The following DLG2 variants were observed in gnomAD, a reference collection of about 807,000 sequenced individuals.
The protein encoded by DLG2 is discs large MAGUK scaffold protein 2.
DLG2 carries 45 observed loss-of-function variants against 132.5 expected under a neutral mutation model. The ratio of observed to expected loss-of-function variants is 0.34; its 90% CI spans 0.27 to 0.44. The LOEUF (loss-of-function observed/expected upper bound fraction) is 0.44, where lower values mean the gene tolerates loss of function less well. Among genes scored for constraint, DLG2 ranks in the 20% least tolerant of loss-of-function variants. The pLI is 1.00. For missense variants in DLG2, 1,045 were observed against 1,196.9 expected (o/e 0.87, Z 1.87); for synonymous variants, 424 against 419.6 (o/e 1.01, Z -0.13).
intron 17 of DLG2, among the ~76,000 whole-genome samples, chr11:83,827,210 T>G (rs2040311): frequency 0.72 from 110,193 of 151,996 alleles, 41,322 homozygotes; most frequent in African/African-American, 0.92. Flanking sequence ...AGTGGAGAGG[T>G]GGAAGCAACA....
At chr11:84,953,519 T>C (rs899107040) in intron 6 of DLG2, among the ~76,000 whole-genome samples, 2 of 152,190 alleles carry the variant, frequency 1.3e-5, no homozygotes, top group African/African-American at 4.8e-5. Context: ...ATTCAGCTCA[T>C]CCATTTTTTA....
intron 18 of DLG2, among the ~76,000 whole-genome samples, chr11:83,704,725 G>A (rs921056340): frequency 2.0e-5 from 3 of 152,006 alleles, no homozygotes; most frequent in African/African-American, 4.8e-5. Context: ...TACTTGGGAG[G>A]CTGAGGCAGG....
intron 7 of DLG2, among the ~76,000 whole-genome samples, chr11:84,367,639 A>G (rs2098689619): frequency 6.6e-6 from 1 of 152,002 alleles, no homozygotes; most frequent in African/African-American, 2.4e-5. Context: ...ATGGGAATGG[A>G]TTATTTATCA....
chr11:84,392,042 G>C (rs1427181813), intron 7 of DLG2, among the ~76,000 whole-genome samples: 1 of 152,118 alleles, frequency 6.6e-6, no homozygotes, highest in Non-Finnish European at 1.5e-5. Context: ...TCTACCTAAT[G>C]GAGTCTTTGT....
rs897745736 is a variant in DLG2, at chr11:85,114,832, TA to T, written c.283-3098del. On this transcript the variant is annotated intron_variant, in intron 5 of 27. Coordinates refer to ENST00000376104, the MANE Select transcript of DLG2 (RefSeq NM_001142699.3). ...CCCCATCCCTCCAAAAACATGGGAA[TA>T]TTTTTTTTTGTGTATCAGGGGCTTA... is the stretch of plus-strand genomic sequence containing the variant. Among the ~76,000 whole-genome samples the T allele has an allele frequency of 3.3e-5, 5 of 152,008 alleles. No homozygotes were observed. The South Asian group carries it at 8.3e-4, about 25-fold the overall frequency.
At chr11:84,188,539 C>G (rs1349661237) in intron 8 of DLG2, among the ~76,000 whole-genome samples, 1 of 152,136 alleles carries the variant, frequency 6.6e-6, no homozygotes, top group East Asian at 1.9e-4. Context: ...TGGTTCCAGA[C>G]TCTTTCAGAA....
intron 6 of DLG2, among the ~76,000 whole-genome samples, chr11:85,106,767 C>G (rs539794149): frequency 2.6e-5 from 4 of 152,140 alleles, no homozygotes; most frequent in African/African-American, 9.6e-5. Context: ...ATACTTTACT[C>G]TTTCCACTTA....
intron 14 of DLG2, among the ~76,000 whole-genome samples, chr11:83,940,293 T>C (rs2082351961): frequency 6.6e-6 from 1 of 152,224 alleles, no homozygotes; most frequent in Non-Finnish European, 1.5e-5. Flanking sequence ...TAGATTTTTC[T>C]CTCTTCTTAA....
chr11:83,466,740 G>C lies in DLG2; in HGVS notation c.2697C>G (p.Ile899Met). The stretch of plus-strand genomic sequence containing the variant: ...GTTCCAGAGACCTGGGTTTTATGAA[G>C]ATGGCAATGGGATAGAGCTGGGCAA... ...LQVAQLYPIA[I>M]FIKPRSLEPL... is the part of the protein sequence containing the mutation. Residue 899 changes from isoleucine (I) to methionine (M), a missense_variant, in exon 26 of 28, where the codon ATC (isoleucine) becomes ATG (methionine). Ile to Met is a conservative substitution (Grantham distance 10, BLOSUM62 1). Transcript: ENST00000376104. 1.2e-6 allele frequency: 2 copies of C among 1,613,552 alleles called. No individual in the cohort carries two copies. The highest frequency in any genetic ancestry group is 2.2e-5 in the South Asian group (2 of 91,076).
chr11:84,106,863 A>ATG (rs1566527127), intron 9 of DLG2, among the ~76,000 whole-genome samples: 2 of 56,442 alleles, frequency 3.5e-5, no homozygotes, highest in African/African-American at 1.2e-4. Flanking sequence ...GTGTGTGTGT[A>ATG]TGTGTGAGAG....
intron 6 of DLG2, chr11:85,020,827 T>C: frequency 2.7e-6 from 2 of 741,228 alleles, no homozygotes; most frequent in Non-Finnish European, 5.0e-6. Context: ...CTTGATCAGC[T>C]CCAGCTGGCC....
At chr11:83,592,265 A>G (rs2097201303) in intron 19 of DLG2, among the ~76,000 whole-genome samples, 1 of 151,362 alleles carries the variant, frequency 6.6e-6, no homozygotes, top group Admixed American at 6.6e-5. Flanking sequence ...ACAGTAATCA[A>G]AACAGCATGG....
intron 8 of DLG2, among the ~76,000 whole-genome samples, chr11:84,181,882 G>T (rs1397860827): frequency 6.6e-6 from 1 of 152,084 alleles, no homozygotes; most frequent in Non-Finnish European, 1.5e-5. Flanking sequence ...ATACATGGGG[G>T]TAAAAACCCA....
At chr11:83,579,142 A>G (rs750163551) in intron 19 of DLG2, among the ~76,000 whole-genome samples, 2 of 152,328 alleles carry the variant, frequency 1.3e-5, no homozygotes, top group Non-Finnish European at 2.9e-5. Context: ...TTTCTTCACA[A>G]TCAGTCAACT....
At chr11:83,715,916 C>G (rs1438912309) in intron 18 of DLG2, among the ~76,000 whole-genome samples, 2 of 152,162 alleles carry the variant, frequency 1.3e-5, no homozygotes, top group African/African-American at 4.8e-5. Context: ...GAGGCCTTTT[C>G]TGATCATCTC....
intron 8 of DLG2, among the ~76,000 whole-genome samples, chr11:84,176,136 C>T (rs2095958424): frequency 6.6e-6 from 1 of 151,716 alleles, no homozygotes; most frequent in Non-Finnish European, 1.5e-5. Flanking sequence ...CTGATGGTTA[C>T]CTGATGGTTC....
At chr11:83,631,190 T>G (rs12273045) in intron 19 of DLG2, 1 of 142,800 alleles carries the variant, frequency 7.0e-6, no homozygotes, top group Non-Finnish European at 1.5e-5. Context: ...TTTTTTTTGG[T>G]CTGTTTTATC....
At chr11:85,324,527 C>T (rs1390130775) in intron 3 of DLG2, among the ~76,000 whole-genome samples, 2 of 152,150 alleles carry the variant, frequency 1.3e-5, no homozygotes, top group Non-Finnish European at 2.9e-5. Flanking sequence ...TATTATTAAA[C>T]TTTCGGAGCA....
chr11:84,556,822 C>A (rs974603665), intron 6 of DLG2, among the ~76,000 whole-genome samples: 2 of 152,104 alleles, frequency 1.3e-5, no homozygotes, highest in Non-Finnish European at 2.9e-5. Flanking sequence ...TGTAGTATTG[C>A]GTTTTCTGTT....
Sources: gnomAD v4.1 joint callset for allele counts (sites outside exome capture counted in the v4.1 genomes callset) on GRCh38, gnomAD v4.1.1 for gene constraint, MANE v1.5 for transcripts, NCBI Gene and HGNC (gene_info 2026-07-23, HGNC 2026-07-21) for gene names.